Variants in IRAG1 observed in about 807,000 individuals in gnomAD.
IRAG1 encodes the protein inositol 1,4,5-triphosphate receptor associated 1, also known as IP3R-associated cGMP kinase substrate.
IRAG1 carries 62 observed loss-of-function variants against 106.2 expected under a neutral mutation model. That is an observed-to-expected ratio of 0.58 (90% CI 0.48 to 0.72). The LOEUF is 0.72. Among genes scored for constraint, IRAG1 ranks in the 30% least tolerant of loss-of-function variants. The pLI is 0.00. For missense variants in IRAG1, 1,064 were observed against 1,140.7 expected (o/e 0.93, Z 0.97); for synonymous variants, 462 against 443.9 (o/e 1.04, Z -0.51).
In IRAG1 at chr11:10,627,749, C is replaced by A; in HGVS notation, c.717G>T (p.Glu239Asp). The change falls in exon 8 of 21, where the codon GAG (glutamate) becomes GAT (aspartate). Residue 239 changes from glutamate (E) to aspartate (D), a missense_variant. Physicochemically the swap from Glu to Asp is conservative, Grantham distance 45 (BLOSUM62 2). Transcript: ENST00000423302. ...CAGGGTGAGGTGAAGAGACGTCGGC[C>A]TCATCCCCCTTCTGCTGGAGAAGGT... ...LPGAPPQKGD[E>D]ADVSSPHPGE... The A allele has an allele frequency of 6.2e-7, 1 of 1,613,996 alleles. No homozygotes were observed. Among genetic ancestry groups the A allele is most frequent in the Non-Finnish European group, 8.5e-7 (1 of 1,179,896 alleles).
In IRAG1 at chr11:10,591,582, G is replaced by T; in HGVS notation, c.2206C>A (p.Pro736Thr). ...SESPNGKGSLPVTSALPALLE... is the reference protein window; with the variant it reads ...SESPNGKGSLTVTSALPALLE... ...AGTGCAGGCAGTGCTGAAGTGACAG[G>T]TAGGCTGCCTTTCCCATTGGGTGAT... is the stretch of plus-strand genomic sequence containing the variant. Residue 736 changes from proline to threonine, a missense_variant, in exon 18 of 21, where the codon CCT becomes ACT. Physicochemically the swap from Pro to Thr is conservative, Grantham distance 38. Coordinates refer to ENST00000423302, the MANE Select transcript of IRAG1 (RefSeq NM_130385.4). The T allele has an allele frequency of 6.3e-7, 1 of 1,598,534 alleles. No homozygotes were observed.
In IRAG1 at chr11:10,574,372, G is replaced by A. The variant is rs1276012167; in HGVS notation, c.*1960C>T. The A allele has an allele frequency of 6.6e-6, 1 of 152,144 alleles. No homozygotes were observed. Among genetic ancestry groups the A allele is most frequent in the Non-Finnish European group, 1.5e-5 (1 of 68,034 alleles). 9.4% of individuals were successfully genotyped at this position (152,144 alleles called of 1,614,324 possible). On this transcript the variant is annotated 3_prime_UTR_variant, in exon 21 of 21. Transcript: ENST00000423302. ...AACATTTAATGACACCCTCCCAAGC[G>A]TCAGCCACCATGCTAGGCACTTACC...
At position 10,611,337 on chromosome 11, in the gene IRAG1, C is replaced by T. The variant is rs1591605260; in HGVS notation, c.1448-1486G>A. Among the ~76,000 whole-genome samples the T allele has an allele frequency of 2.0e-5, 3 of 152,254 alleles. No homozygotes were observed. In the Middle Eastern group the frequency reaches 0.01, roughly 518 times the overall value. On this transcript the variant is annotated intron_variant, in intron 10 of 20. Coordinates refer to ENST00000423302, the MANE Select transcript of IRAG1 (RefSeq NM_130385.4). ...TTTCTGTGGTAAACCTTGTGTCACC[C>T]CTGGCATCATTCTACCTTTATGTAT...
chr11:10,666,226 C>T (rs761810863), intron 1 of IRAG1, among the ~76,000 whole-genome samples: 38 of 152,328 alleles, frequency 2.5e-4, no homozygotes, highest in Non-Finnish European at 4.0e-4. Flanking sequence ...AGGTGCTCTA[C>T]CTGACTCTTT....
At chr11:10,622,862 T>C (rs188538808) in intron 10 of IRAG1, among the ~76,000 whole-genome samples, 3 of 59,934 alleles carry the variant, frequency 5.0e-5, no homozygotes, top group African/African-American at 1.7e-4. Context: ...TGCCAGGCAT[T>C]GTTGTAAGCA....
rs554152697 is a variant in IRAG1, at chr11:10,628,066, C to T, written c.653-41G>A. The T allele has an allele frequency of 1.2e-6, 2 of 1,608,778 alleles. No individual in the cohort carries two copies. The highest frequency in any genetic ancestry group is 1.1e-5 in the South Asian group (1 of 90,386). On this transcript the variant is annotated intron_variant, in intron 6 of 20. Transcript: ENST00000423302. The surrounding 1 kb of genome is among the most constrained non-coding windows in gnomAD (Gnocchi z 4.1). Reference sequence around the variant, plus strand: ...CACTAGTGAGTGAGGCCCAGCAGCCCAGGCCCTCAGCTGTGCTTTCAGCCA... The same window carrying T: ...CACTAGTGAGTGAGGCCCAGCAGCCTAGGCCCTCAGCTGTGCTTTCAGCCA...
intron 4 of IRAG1, among the ~76,000 whole-genome samples, chr11:10,630,735 T>C (rs892491686): frequency 3.3e-5 from 5 of 152,212 alleles, no homozygotes; most frequent in African/African-American, 1.2e-4. Flanking sequence ...CCCAAGTCCC[T>C]CCACTTCAGC....
intron 1 of IRAG1, among the ~76,000 whole-genome samples, chr11:10,683,182 T>A (rs773511463): frequency 6.6e-6 from 1 of 152,224 alleles, no homozygotes; most frequent in Non-Finnish European, 1.5e-5. Flanking sequence ...TGTGAGCTGT[T>A]GTATGGGGAA....
At position 10,626,354 on chromosome 11, in the gene IRAG1, T is replaced by C; in HGVS notation, c.980A>G (p.Glu327Gly). 1 of 1,613,790 alleles carries C rather than the reference T, an allele frequency of 6.2e-7. No individual in the cohort carries two copies. Among genetic ancestry groups the C allele is most frequent in the East Asian group, 2.2e-5 (1 of 44,872 alleles). ...ALNSPQPGPVESELGKQLLKT... is the reference protein window; with the variant it reads ...ALNSPQPGPVGSELGKQLLKT... ...CAAGAGCTGCTTCCCCAGCTCGCTC[T>C]CCACGGGGCCAGGCTGAGGGCTGTT... is the stretch of plus-strand genomic sequence containing the variant. Residue 327 changes from glutamate (E) to glycine (G), a missense_variant, in exon 9 of 21, where the codon GAG (glutamate) becomes GGG (glycine). Coordinates refer to ENST00000423302, the MANE Select transcript of IRAG1 (RefSeq NM_130385.4).
chr11:10,669,972 G>A (rs966768564), intron 1 of IRAG1, among the ~76,000 whole-genome samples: 1 of 152,202 alleles, frequency 6.6e-6, no homozygotes, highest in East Asian at 1.9e-4. Flanking sequence ...GAGGAAAGAG[G>A]GAGATAGACA....
chr11:10,585,855 T>C (rs1330056486), intron 18 of IRAG1, among the ~76,000 whole-genome samples: 1 of 152,164 alleles, frequency 6.6e-6, no homozygotes, highest in African/African-American at 2.4e-5. Flanking sequence ...CTCACCTTGG[T>C]CTTCTACCTG....
intron 10 of IRAG1, among the ~76,000 whole-genome samples, chr11:10,617,906 C>T (rs1254755962): frequency 6.6e-6 from 1 of 151,926 alleles, no homozygotes; most frequent in Non-Finnish European, 1.5e-5. Flanking sequence ...TGTCTCTAGC[C>T]TCTGCTGTTT....
intron 1 of IRAG1, among the ~76,000 whole-genome samples, chr11:10,689,202 T>A (rs1861878550): frequency 6.6e-6 from 1 of 151,986 alleles, no homozygotes; most frequent in Admixed American, 6.6e-5. Context: ...CTCATTTTTT[T>A]AAGAAGGGAA....
Position 10,693,644 on chromosome 11 carries a change from G to A in IRAG1, c.-42C>T, listed in dbSNP as rs1271046027. 11 of 1,533,090 alleles carry A rather than the reference G, an allele frequency of 7.2e-6. No individual in the cohort carries two copies. Among genetic ancestry groups the A allele is most frequent in the Non-Finnish European group, 7.9e-6 (9 of 1,146,104 alleles). The allele number at this position is 1,533,090 out of a possible 1,614,324, so 95.0% of individuals were successfully genotyped here. On this transcript the variant is annotated 5_prime_UTR_variant, in exon 1 of 21. Coordinates refer to ENST00000423302, the MANE Select transcript of IRAG1 (RefSeq NM_130385.4). ...ATCTGGCTCCGGAGCTCAGAGCCGA[G>A]AAGCCTCTGGCTGCAGAACCTCGGC...
chr11:10,687,528 C>T (rs958115840), intron 1 of IRAG1: 19 of 535,430 alleles, frequency 3.5e-5, no homozygotes, highest in Non-Finnish European at 5.1e-5. Context: ...CAAACACTTT[C>T]CAACACCAGC....
At chr11:10,616,327 A>G (rs917106689) in intron 10 of IRAG1, among the ~76,000 whole-genome samples, 2 of 151,830 alleles carry the variant, frequency 1.3e-5, no homozygotes, top group Non-Finnish European at 2.9e-5. Context: ...TTTTACATAT[A>G]TGTCTATATT....
intron 9 of IRAG1, among the ~76,000 whole-genome samples, chr11:10,624,829 G>A (rs969043506): frequency 6.6e-6 from 1 of 152,174 alleles, no homozygotes; most frequent in African/African-American, 2.4e-5. Flanking sequence ...CTGGGTGGGC[G>A]AAATCTGCAG....
chr11:10,609,863 G>A lies in IRAG1; in HGVS notation c.1448-12C>T, dbSNP rs754516842. 1 of 1,612,752 alleles carries A rather than the reference G, an allele frequency of 6.2e-7. No homozygotes were observed. Among genetic ancestry groups the A allele is most frequent in the Non-Finnish European group, 8.5e-7 (1 of 1,179,312 alleles). ...TTCAGAAGGAAGCCCTGAAAAAAAA[G>A]TGCTTACTTATAAAATGTCTCTTTG... On this transcript the variant is annotated splice_polypyrimidine_tract_variant and intron_variant, in intron 10 of 20. Transcript: ENST00000423302.
chr11:10,678,839 G>A (rs1200983561), intron 1 of IRAG1, among the ~76,000 whole-genome samples: 2 of 152,000 alleles, frequency 1.3e-5, no homozygotes, highest in African/African-American at 2.4e-5. Flanking sequence ...ACCTTTTCTG[G>A]GTCTTCTGTC....
Sources: gnomAD v4.1 joint callset for allele counts (sites outside exome capture counted in the v4.1 genomes callset) on GRCh38, gnomAD v4.1.1 for gene constraint, Gnocchi (gnomAD v3.1) non-coding constraint, MANE v1.5 for transcripts, NCBI Gene and HGNC (gene_info 2026-07-23, HGNC 2026-07-21) for gene names.